The following VAT1L variants were observed in gnomAD, a reference collection of about 807,000 sequenced individuals.
VAT1L encodes the protein vesicle amine transport 1 like, also known as putative NADPH-dependent quinone oxidoreductase VAT1L.
Under a neutral mutation model 44.1 loss-of-function variants are expected in VAT1L, and 34 were observed. The observed-to-expected ratio is 0.77, with a 90% CI of 0.59 to 1.03. The LOEUF is 1.03. Ranked by LOEUF, VAT1L falls within the 50% of genes least tolerant of loss-of-function variation. VAT1L has a pLI of 0.00. For synonymous variants in VAT1L, 253 were observed against 202.2 expected (o/e 1.25, Z -2.13); for missense variants, 615 against 538.8 (o/e 1.14, Z -1.40).
chr16:77,900,782 T>C (rs571961391), intron 7 of VAT1L, among the ~76,000 whole-genome samples: 1 of 151,970 alleles, frequency 6.6e-6, no homozygotes, highest in South Asian at 2.1e-4. Context: ...ATTGTCAGAC[T>C]GTACCCCATT....
intron 7 of VAT1L, 37 bp from the exon 8 acceptor site, chr16:77,971,813 C>T: frequency 6.3e-7 from 1 of 1,598,730 alleles, no homozygotes. Context: ...GAACATCTCG[C>T]CTAACCAGCA....
At chr16:77,937,767 T>G (rs1328955650) in intron 7 of VAT1L, among the ~76,000 whole-genome samples, 1 of 152,134 alleles carries the variant, frequency 6.6e-6, no homozygotes, top group Non-Finnish European at 1.5e-5. Flanking sequence ...AGGACCTCCT[T>G]GAAAAGGCGA....
chr16:77,952,717 G>T (rs546885644), intron 7 of VAT1L, among the ~76,000 whole-genome samples: 21 of 152,072 alleles, frequency 1.4e-4, no homozygotes, highest in African/African-American at 5.1e-4. Flanking sequence ...AATTAGCCAG[G>T]CGTGGTGGCT....
chr16:77,955,741 A>AAG (rs1555522557), intron 7 of VAT1L, among the ~76,000 whole-genome samples: 6 of 150,630 alleles, frequency 4.0e-5, no homozygotes, highest in Non-Finnish European at 8.9e-5. Context: ...AAAAAAAAAA[A>AAG]AGAGAGAGAA....
At chr16:77,818,819 C>G (rs575386886) in intron 2 of VAT1L, among the ~76,000 whole-genome samples, 10 of 152,286 alleles carry the variant, frequency 6.6e-5, no homozygotes, top group African/African-American at 2.4e-4. Context: ...TGGGAGAAAA[C>G]TGACACTAGT....
At chr16:77,912,056 G>T (rs1017430397) in intron 7 of VAT1L, among the ~76,000 whole-genome samples, 4 of 152,168 alleles carry the variant, frequency 2.6e-5, no homozygotes, top group African/African-American at 9.7e-5. Flanking sequence ...TACCTCTTCA[G>T]TTCCTCTAAG....
At chr16:77,936,434 C>T (rs916344042) in intron 7 of VAT1L, among the ~76,000 whole-genome samples, 3 of 152,080 alleles carry the variant, frequency 2.0e-5, no homozygotes, top group Admixed American at 1.3e-4. Flanking sequence ...CTGGCACCCA[C>T]CTTTATGTAA....
chr16:77,937,803 G>A (rs1239674923), intron 7 of VAT1L, among the ~76,000 whole-genome samples: 2 of 152,192 alleles, frequency 1.3e-5, no homozygotes, highest in Admixed American at 1.3e-4. Flanking sequence ...TTACATAAGG[G>A]GAGGAGATAA....
intron 3 of VAT1L, among the ~76,000 whole-genome samples, chr16:77,846,288 C>T (rs1379783974): frequency 6.6e-6 from 1 of 152,146 alleles, no homozygotes; most frequent in Non-Finnish European, 1.5e-5. Flanking sequence ...TTTCCCAATA[C>T]CAAAGCAGAA....
chr16:77,910,906 A>G (rs1388955906), intron 7 of VAT1L, among the ~76,000 whole-genome samples: 2 of 152,170 alleles, frequency 1.3e-5, no homozygotes, highest in African/African-American at 4.8e-5. Flanking sequence ...ACAACCCCAT[A>G]AGATGCAATT....
intron 3 of VAT1L, among the ~76,000 whole-genome samples, chr16:77,858,517 ATCACGTAATC>A (rs2016884021): frequency 6.6e-6 from 1 of 152,234 alleles, no homozygotes; most frequent in African/African-American, 2.4e-5. Flanking sequence ...GATGCATTAT[ATCACGTAATC>A]TCACAGTAAA....
At chr16:77,862,681 A>T in intron 3 of VAT1L, 67 bp from the exon 4 acceptor site, 1 of 1,456,206 alleles carries the variant, frequency 6.9e-7, no homozygotes, top group South Asian at 1.3e-5. Flanking sequence ...CCTGCTCTAC[A>T]CCCAGCAAGA....
At chr16:77,964,827 C>T (rs916654447) in intron 7 of VAT1L, among the ~76,000 whole-genome samples, 3 of 127,558 alleles carry the variant, frequency 2.4e-5, no homozygotes, top group Non-Finnish European at 3.1e-5. Flanking sequence ...GAGTTTCGCC[C>T]TTGTTGCCCA....
intron 1 of VAT1L, among the ~76,000 whole-genome samples, chr16:77,809,623 T>A (rs575867760): frequency 3.3e-5 from 5 of 152,146 alleles, no homozygotes; most frequent in Admixed American, 2.6e-4. Context: ...TGACTTGCAT[T>A]ACAAAAAGTG....
intron 7 of VAT1L, among the ~76,000 whole-genome samples, chr16:77,920,145 A>G (rs968061501): frequency 6.6e-6 from 1 of 152,314 alleles, no homozygotes. Context: ...AGGAAAAGCA[A>G]AGTGATTGCT....
intron 8 of VAT1L, among the ~76,000 whole-genome samples, chr16:77,976,097 G>A (rs985357389): frequency 6.6e-6 from 1 of 152,206 alleles, no homozygotes; most frequent in Admixed American, 6.5e-5. Context: ...AGCTTAGCTG[G>A]TTAGTTCTTC....
intron 7 of VAT1L, among the ~76,000 whole-genome samples, chr16:77,914,488 C>T (rs1321773831): frequency 6.6e-6 from 1 of 152,204 alleles, no homozygotes; most frequent in East Asian, 1.9e-4. Context: ...CTTGATTTAT[C>T]ACTTGGTTTA....
intron 4 of VAT1L, among the ~76,000 whole-genome samples, chr16:77,869,411 A>G (rs935956498): frequency 1.3e-5 from 2 of 152,194 alleles, no homozygotes; most frequent in African/African-American, 2.4e-5. Flanking sequence ...GTGGTAGTTC[A>G]CACCTATAAT....
chr16:77,814,470 G>A (rs891073827), intron 1 of VAT1L, among the ~76,000 whole-genome samples: 9 of 152,204 alleles, frequency 5.9e-5, no homozygotes, highest in African/African-American at 2.2e-4. Flanking sequence ...CTGGCTCTCA[G>A]TTTACCATCA....
Sources: gnomAD v4.1 joint callset for allele counts (sites outside exome capture counted in the v4.1 genomes callset) on GRCh38, gnomAD v4.1.1 for gene constraint, MANE v1.5 for transcripts, NCBI Gene and HGNC (gene_info 2026-07-23, HGNC 2026-07-21) for gene names.